The following WASHC4 variants were observed in gnomAD, a reference collection of about 807,000 sequenced individuals.
WASHC4 encodes the protein WASH complex subunit 7.
WASHC4 carries 86 observed loss-of-function variants against 166.6 expected under a neutral mutation model. The observed-to-expected ratio is 0.52, with a 90% CI of 0.43 to 0.62. The LOEUF (loss-of-function observed/expected upper bound fraction) is 0.62. Among genes scored for constraint, WASHC4 ranks in the 20% least tolerant of loss-of-function variants. The probability of loss-of-function intolerance (pLI) is 0.00; values close to 1 mark genes in which losing one functional copy is unlikely to be tolerated. For synonymous variants in WASHC4, 446 were observed against 451.6 expected, an observed-to-expected ratio of 0.99 and a Z score of 0.16; for missense variants, 1,262 against 1,382.4, an observed-to-expected ratio of 0.91 and a Z score of 1.38.
chr12:105,158,712 A>ATTATTCTTGGTAT (rs1198863758), intron 28 of WASHC4, among the ~76,000 whole-genome samples: 1 of 152,212 alleles, frequency 6.6e-6, no homozygotes, highest in Admixed American at 6.5e-5. Flanking sequence ...ATACTGTATT[A>ATTATTCTTGGTAT]TATTCTTGGG....
Position 105,156,773 on chromosome 12 carries a change from T to C in WASHC4, c.2806T>C (p.Cys936Arg). The change falls in exon 27 of 33, where the codon TGT becomes CGT. Residue 936 changes from cysteine (C) to arginine (R), a missense_variant. By Grantham distance (180) the Cys-to-Arg change is radical. Transcript: ENST00000332180. ...VRMIRSGGLH[C>R]SSNAIRFVPD... ...AATGATAAGATCTGGTGGTCTTCAT[T>C]GTAGCAGCAATGCCATTAGGTATGG... 6.2e-7 allele frequency: 1 copy of C among 1,612,732 alleles called. No homozygotes were observed. The highest frequency in any genetic ancestry group is 8.5e-7 in the Non-Finnish European group (1 of 1,179,160).
rs368005594 is a variant in WASHC4, at chr12:105,166,917, C to G, written c.3508C>G (p.Pro1170Ala). ...DLSDSTVSAD[P>A]VVK ...GTCTGACAGCACTGTGTCTGCTGATCCTGTTGTGAAATGATACGGATGGTA... is the reference window on the plus strand; with the variant it reads ...GTCTGACAGCACTGTGTCTGCTGATGCTGTTGTGAAATGATACGGATGGTA... The change falls in exon 33 of 33, where the codon CCT (proline) becomes GCT (alanine). Residue 1170 changes from proline (P) to alanine (A), a missense_variant. By Grantham distance (27) the Pro-to-Ala change is conservative. Transcript: ENST00000332180. 6.2e-7 allele frequency: 1 copy of G among 1,604,296 alleles called. No individual in the cohort carries two copies. Among genetic ancestry groups the G allele is most frequent in the South Asian group, 1.1e-5 (1 of 90,954 alleles).
intron 13 of WASHC4, 82 bp downstream of exon 13, chr12:105,127,371 C>A: frequency 2.0e-6 from 2 of 986,898 alleles, no homozygotes; most frequent in Non-Finnish European, 3.2e-6. Flanking sequence ...ATGTATAGTA[C>A]CATTTGAATT....
At chr12:105,131,443 G>A (rs1023049582) in intron 13 of WASHC4, among the ~76,000 whole-genome samples, 1 of 152,252 alleles carries the variant, frequency 6.6e-6, no homozygotes, top group Non-Finnish European at 1.5e-5. Context: ...TGATCACAGA[G>A]TGATGGGCAG....
At chr12:105,137,066 G>A (rs1281741435) in intron 14 of WASHC4, among the ~76,000 whole-genome samples, 2 of 152,152 alleles carry the variant, frequency 1.3e-5, no homozygotes, top group South Asian at 4.1e-4. Context: ...AACTGTACAT[G>A]TGTCTCTTTT....
At chr12:105,149,575 A>T (rs750974595) in intron 24 of WASHC4, 40 bp from the exon 25 acceptor site, 8 of 1,247,944 alleles carry the variant, frequency 6.4e-6, no homozygotes, top group Non-Finnish European at 8.0e-6. Flanking sequence ...ATTAATTTTT[A>T]TATTAACTTT....
At position 105,146,505 on chromosome 12, in the gene WASHC4, C is replaced by T; in HGVS notation, c.2388C>T (p.Tyr796=). Residue 796 remains tyrosine, a synonymous_variant, in exon 23 of 33, where the codon TAC becomes TAT. Transcript: ENST00000332180. ...MRNIHIFVSR[Y]LYNLNNQIFI... Reference sequence around the variant, plus strand: ...ACATTCATATATTTGTGTCCCGATACCTCTATAATCTCAACAATCAGGTGA... The same window carrying T: ...ACATTCATATATTTGTGTCCCGATATCTCTATAATCTCAACAATCAGGTGA... 1 of 1,600,698 alleles carries T rather than the reference C, an allele frequency of 6.2e-7. No homozygotes were observed. Among genetic ancestry groups the T allele is most frequent in the Non-Finnish European group, 8.6e-7 (1 of 1,169,316 alleles).
At chr12:105,110,693 T>C (rs1182087085) in intron 1 of WASHC4, among the ~76,000 whole-genome samples, 1 of 152,226 alleles carries the variant, frequency 6.6e-6, no homozygotes, top group Admixed American at 6.5e-5. Context: ...AATTAAAAAC[T>C]ACATTTTTAA....
At chr12:105,141,394 T>C in intron 18 of WASHC4, 148 bp downstream of exon 18, 1 of 736,832 alleles carries the variant, frequency 1.4e-6, no homozygotes. Flanking sequence ...CAAAATGAGA[T>C]TGTGACTAGG....
intron 15 of WASHC4, 122 bp downstream of exon 15, chr12:105,138,133 TTCTC>T: frequency 2.2e-6 from 2 of 922,802 alleles, no homozygotes; most frequent in Non-Finnish European, 3.2e-6. Context: ...GAGAAAGTAC[TTCTC>T]TCTCAATTGA....
chr12:105,144,401 C>G lies in WASHC4; in HGVS notation c.2125C>G (p.Leu709Val), dbSNP rs1883120111. ...CAAAGTTGGCATGAAAGACCTGGCTCTTTTTTTCTCTCTGAATCCAATTCG... is the reference window on the plus strand; with the variant it reads ...CAAAGTTGGCATGAAAGACCTGGCTGTTTTTTTCTCTCTGAATCCAATTCG... The part of the protein sequence containing the change: ...PFKVGMKDLA[L>V]FFSLNPIRFF... Residue 709 changes from leucine (L) to valine (V), a missense_variant, in exon 21 of 33, where the codon CTT becomes GTT. Transcript: ENST00000332180. The G allele has an allele frequency of 1.9e-6, 3 of 1,613,146 alleles. No homozygotes were observed. The highest frequency in any genetic ancestry group is 2.5e-6 in the Non-Finnish European group (3 of 1,179,570).
chr12:105,155,482 G>A (rs113961760), intron 26 of WASHC4, among the ~76,000 whole-genome samples: 2 of 152 alleles, frequency 0.013, no homozygotes, highest in Admixed American at 0.083. Flanking sequence ...GCAGAGGGGT[G>A]CAAGATCGAT....
At chr12:105,155,222 A>T (rs149955275) in intron 26 of WASHC4, 17 of 152,332 alleles carry the variant, frequency 1.1e-4, no homozygotes, top group African/African-American at 4.1e-4. Context: ...TGTCAGTGAT[A>T]AGTACTGGGT....
intron 1 of WASHC4, among the ~76,000 whole-genome samples, chr12:105,108,698 G>C (rs1013048751): frequency 6.6e-6 from 1 of 152,054 alleles, no homozygotes; most frequent in Non-Finnish European, 1.5e-5. Context: ...ATAGTAATCT[G>C]TGTAAGTGAT....
intron 26 of WASHC4, among the ~76,000 whole-genome samples, chr12:105,152,802 C>G (rs911646534): frequency 1.2e-4 from 19 of 152,218 alleles, no homozygotes; most frequent in African/African-American, 4.6e-4. Flanking sequence ...CCCACAAGTT[C>G]CAGTCTAAAT....
At chr12:105,113,235 T>G (rs1008081486) in intron 2 of WASHC4, among the ~76,000 whole-genome samples, 12 of 152,090 alleles carry the variant, frequency 7.9e-5, no homozygotes, top group Non-Finnish European at 1.8e-4. Flanking sequence ...GTTGATTTTT[T>G]AAACAGATGC....
At chr12:105,113,944 T>C (rs567790482) in intron 2 of WASHC4, among the ~76,000 whole-genome samples, 1 of 152,182 alleles carries the variant, frequency 6.6e-6, no homozygotes, top group East Asian at 1.9e-4. Flanking sequence ...TACTATTACC[T>C]TATTACCTTG....
At chr12:105,149,561 T>A in intron 24 of WASHC4, 54 bp from the exon 25 acceptor site, 1 of 1,190,730 alleles carries the variant, frequency 8.4e-7, no homozygotes, top group South Asian at 1.4e-5. Flanking sequence ...TTGAATTGAT[T>A]TGAATTAATT....
At chr12:105,128,053 C>A (rs1881451289) in intron 13 of WASHC4, among the ~76,000 whole-genome samples, 1 of 152,160 alleles carries the variant, frequency 6.6e-6, no homozygotes, top group Admixed American at 6.5e-5. Context: ...CTGCCACTAG[C>A]CCCATGCTGG....
Sources: allele counts gnomAD v4.1 joint callset (sites outside exome capture counted in the v4.1 genomes callset), GRCh38; gene constraint gnomAD v4.1.1; transcripts MANE v1.5; gene names NCBI Gene and HGNC (gene_info 2026-07-23, HGNC 2026-07-21).